RGS11: variants seen among roughly 807,000 people sequenced by gnomAD.
RGS11 encodes the protein regulator of G protein signaling 11.
Under a neutral mutation model 71.1 loss-of-function variants are expected in RGS11, and 86 were observed. That is an observed-to-expected ratio of 1.21 (90% CI 1.02 to 1.45). The LOEUF (loss-of-function observed/expected upper bound fraction) is 1.45. Ranked by LOEUF, RGS11 falls within the 40% of genes most tolerant of loss-of-function variation. The pLI is 0.00. For missense variants in RGS11, 734 were observed against 635.1 expected (o/e 1.16, Z -1.67); for synonymous variants, 298 against 254.2 (o/e 1.17, Z -1.64).
rs2052106762 is a variant in RGS11 at position 275,063 on chromosome 16, G to T, written c.231C>A (p.Ala77=). The T allele has an allele frequency of 2.0e-6, 3 of 1,482,730 alleles. No individual in the cohort carries two copies. The highest frequency in any genetic ancestry group is 2.4e-5 in the Admixed American group (1 of 42,384). The allele number at this position is 1,482,730 out of a possible 1,614,324, so 91.8% of individuals were successfully genotyped here. The change falls in exon 4 of 17, where the codon GCC becomes GCA. Residue 77 remains alanine, a synonymous_variant. Coordinates refer to ENST00000397770, the MANE Select transcript of RGS11 (RefSeq NM_183337.3). The part of the protein sequence containing the change: ...VSEEEALHLG[A]VLVQHGYIYP... ...AGATGTAGCCATGCTGCACCAGGAC[G>T]GCGCCCAGGTGCAGGGCCTCTGGGG...
At chr16:273,153 G>A (rs1023776080) in intron 8 of RGS11, among the ~76,000 whole-genome samples, 1 of 152,020 alleles carries the variant, frequency 6.6e-6, no homozygotes, top group African/African-American at 2.4e-5. Context: ...CTGTGAACTC[G>A]GTCCCCCCAC....
At chr16:273,342 C>T (rs979424902) in intron 8 of RGS11, 133 bp downstream of exon 8, 3 of 684,146 alleles carry the variant, frequency 4.4e-6, no homozygotes, top group Non-Finnish European at 7.3e-6. Context: ...GTGAAAACGT[C>T]CTGCCCCCAC....
In RGS11 at chr16:275,918, G is replaced by T. The variant is rs1434673092; in HGVS notation, c.-7C>A. 4 of 710,782 alleles carry T rather than the reference G, an allele frequency of 5.6e-6. No homozygotes were observed. Among genetic ancestry groups the T allele is most frequent in the South Asian group, 6.4e-5 (1 of 15,650 alleles). 44.0% of individuals were successfully genotyped at this position (710,782 alleles called of 1,614,324 possible). A position where few individuals can be genotyped will look rare whatever the true frequency, so the allele number is the denominator to read the frequency against. ...GCGCGGGGCCGGCGGCCATGGCTGC[G>T]GGGCGAGGCCGGCGGGGATGACCGA... is the stretch of plus-strand genomic sequence containing the variant. On this transcript the variant is annotated 5_prime_UTR_variant, in exon 1 of 17. Coordinates refer to ENST00000397770, the MANE Select transcript of RGS11 (RefSeq NM_183337.3).
chr16:269,328 GA>G lies in RGS11; in HGVS notation c.1344del (p.Thr450ProfsTer36). On this transcript the variant is annotated frameshift_variant, in exon 17 of 17. Transcript: ENST00000397770. LOFTEE classifies it low-confidence loss of function (END_TRUNC). ...PRHSSPSPALLPTPVEPTAAC... is the reference protein window; with the variant it reads ...PRHSSPSPALXPTPVEPTAAC... ...GCCGCTGTGGGCTCCACAGGGGTGG[GA>G]AGGAGTGCAGGGCTGGGGCTCGAGT... 6.2e-7 allele frequency: 1 copy of G among 1,602,210 alleles called. No homozygotes were observed.
chr16:274,922 G>A, intron 4 of RGS11, 54 bp downstream of exon 4: 1 of 1,542,200 alleles, frequency 6.5e-7, no homozygotes, highest in Non-Finnish European at 8.8e-7. Context: ...TTGGTAAGCT[G>A]GGTGGGTGGG....
Position 271,323 on chromosome 16 carries a change from G to C in RGS11, c.750-8C>G. 3.1e-6 allele frequency: 5 copies of C among 1,612,764 alleles called. No homozygotes were observed. Among genetic ancestry groups the C allele is most frequent in the Non-Finnish European group, 1.7e-6 (2 of 1,179,746 alleles). On this transcript the variant is annotated splice_region_variant and splice_polypyrimidine_tract_variant and intron_variant, in intron 11 of 16. Coordinates refer to ENST00000397770, the MANE Select transcript of RGS11 (RefSeq NM_183337.3). ...CCGCAGAAACTCAGGTACCTGGAAG[G>C]GGGTATGGGGGCTGGTGCAGGAGGG...
rs750161923 is a variant in RGS11, at chr16:271,008, C to T, written c.955G>A (p.Asp319Asn). The change falls in exon 13 of 17, where the codon GAC becomes AAC. Residue 319 changes from aspartate to asparagine, a missense_variant. By Grantham distance (23) the Asp-to-Asn change is conservative (BLOSUM62 1). Transcript: ENST00000397770. ...CCACTGAACTCCTTTCCCAGAAAGTCCATGAAGTGGGCCCGCCCCACGGGG... is the reference window on the plus strand; with the variant it reads ...CCACTGAACTCCTTTCCCAGAAAGTTCATGAAGTGGGCCCGCCCCACGGGG... ...EDPVGRAHFM[D>N]FLGKEFSGEN... The T allele has an allele frequency of 1.2e-6, 2 of 1,612,306 alleles. No individual in the cohort carries two copies. Among genetic ancestry groups the T allele is most frequent in the Admixed American group, 3.3e-5 (2 of 60,014 alleles).
chr16:273,140 G>A lies in RGS11; in HGVS notation c.589-209C>T, dbSNP rs140641292. Among the ~76,000 whole-genome samples, 721 of 152,116 alleles carry A rather than the reference G, an allele frequency of 4.7e-3. 8 individuals are homozygous for A. The highest frequency in any genetic ancestry group is 6.4e-3 in the Non-Finnish European group (434 of 67,956). On this transcript the variant is annotated intron_variant, in intron 8 of 16. Coordinates refer to ENST00000397770, the MANE Select transcript of RGS11 (RefSeq NM_183337.3). ...CCTCCCCACAGCCCCAGCTGCTCCC[G>A]GCCTGTGAACTCGGTCCCCCCACTG... is the stretch of plus-strand genomic sequence containing the variant.
At chr16:270,684 G>A in intron 14 of RGS11, 23 bp from the exon 15 acceptor site, 2 of 1,610,036 alleles carry the variant, frequency 1.2e-6, no homozygotes, top group Non-Finnish European at 1.7e-6. Context: ...ACAGCACTGG[G>A]TAGTCTCGGC....
Position 270,811 on chromosome 16 carries a change from C to T in RGS11, c.1000G>A (p.Glu334Lys). Residue 334 changes from glutamate to lysine, a missense_variant, in exon 14 of 17, where the codon GAG becomes AAG. Glu to Lys is a moderately conservative substitution (Grantham distance 56, BLOSUM62 1). Coordinates refer to ENST00000397770, the MANE Select transcript of RGS11 (RefSeq NM_183337.3). ...CCATATCGAAGCTCCTCACATGCCT[C>T]CCAGAAGCTGAGGTTTTCTCCTGGG... is the stretch of plus-strand genomic sequence containing the variant. Reference protein sequence around the residue: ...EFSGENLSFWEACEELRYGAQ... With the variant: ...EFSGENLSFWKACEELRYGAQ... 1 of 1,612,168 alleles carries T rather than the reference C, an allele frequency of 6.2e-7. No homozygotes were observed. The highest frequency in any genetic ancestry group is 2.2e-5 in the East Asian group (1 of 44,828).
At chr16:272,162 T>C in intron 9 of RGS11, 1 of 1,149,680 alleles carries the variant, frequency 8.7e-7, no homozygotes, top group South Asian at 1.8e-5. Context: ...CAAATGTACT[T>C]AAATTATGTT....
rs772365837 is a variant in RGS11 at position 273,769 on chromosome 16, T to C, written c.497A>G (p.Glu166Gly). The change falls in exon 7 of 17, where the codon GAG becomes GGG. Residue 166 changes from glutamate (E) to glycine (G), a missense_variant. Glu to Gly is a moderately conservative substitution (Grantham distance 98). Transcript: ENST00000397770. Reference protein sequence around the residue: ...AWDLVLMQAREQLRAAKQRSK... With the variant: ...AWDLVLMQARGQLRAAKQRSK... ...CAGGGCGGGGCCTCACCTCAGCTGC[T>C]CCCTCGCCTGCATCAGCACCAGGTC... is the stretch of plus-strand genomic sequence containing the variant. 8.1e-6 allele frequency: 13 copies of C among 1,612,438 alleles called. No homozygotes were observed. The Admixed American group carries it at 2.2e-4, about 27-fold the overall frequency.
At chr16:272,205 A>G (rs2051969625) in intron 9 of RGS11, 7 of 1,182,160 alleles carry the variant, frequency 5.9e-6, no homozygotes, top group Non-Finnish European at 7.5e-6. Context: ...AATACTACTA[A>G]TGGGGATCAC....
chr16:274,974 A>T lies in RGS11; in HGVS notation c.318+2T>A. On this transcript the variant is annotated splice_donor_variant, in intron 4 of 16. Transcript: ENST00000397770. LOFTEE classifies it high-confidence loss of function. ...GCTCCCACCTGCACCCCCGAGCCTG[A>T]CCTGGAACCTGTAGGGCGTCTCGTC... is the stretch of plus-strand genomic sequence containing the variant. The T allele has an allele frequency of 6.5e-7, 1 of 1,541,968 alleles. No individual in the cohort carries two copies. The highest frequency in any genetic ancestry group is 8.8e-7 in the Non-Finnish European group (1 of 1,142,200).
intron 4 of RGS11, 41 bp downstream of exon 4, chr16:274,935 T>TGGG: frequency 2.1e-6 from 1 of 475,996 alleles, no homozygotes; most frequent in Non-Finnish European, 3.5e-6. Context: ...TGGGTGGGGG[T>TGGG]GGGGGTCCCA....
intron 8 of RGS11, 71 bp downstream of exon 8, chr16:273,404 G>T: frequency 8.4e-7 from 1 of 1,193,736 alleles, no homozygotes; most frequent in Non-Finnish European, 1.2e-6. Flanking sequence ...GGTCCTGAGA[G>T]CGCCTGTCAG....
intron 8 of RGS11, among the ~76,000 whole-genome samples, chr16:273,160 C>G (rs1300891911): frequency 6.6e-6 from 1 of 152,148 alleles, no homozygotes; most frequent in Non-Finnish European, 1.5e-5. Flanking sequence ...CTCGGTCCCC[C>G]CACTGCAGCC....
intron 4 of RGS11, chr16:274,709 C>G: frequency 1.5e-6 from 1 of 688,340 alleles, no homozygotes; most frequent in South Asian, 1.5e-5. Flanking sequence ...TGGCAGAATC[C>G]TCTGCACATA....
intron 1 of RGS11, 63 bp from the exon 2 acceptor site, chr16:275,561 G>A (rs2052135630): frequency 7.5e-7 from 1 of 1,341,054 alleles, no homozygotes; most frequent in African/African-American, 1.5e-5. Flanking sequence ...CCTGGCACCG[G>A]CCGGGATGCC....
Sources: allele counts gnomAD v4.1 joint callset (sites outside exome capture counted in the v4.1 genomes callset), GRCh38; gene constraint gnomAD v4.1.1; transcripts MANE v1.5; gene names NCBI Gene and HGNC (gene_info 2026-07-23, HGNC 2026-07-21).